Variants in OTOP1 observed in about 807,000 individuals in gnomAD.
OTOP1 encodes the protein otopetrin 1, also known as proton channel OTOP1.
Under a neutral mutation model 52.9 loss-of-function variants are expected in OTOP1, and 59 were observed. The ratio of observed to expected loss-of-function variants is 1.12; its 90% CI spans 0.91 to 1.39. OTOP1 has a LOEUF of 1.39. OTOP1 is among the 40% of genes most tolerant of loss of function. The probability of loss-of-function intolerance (pLI) is 0.00; values close to 1 mark genes in which losing one functional copy is unlikely to be tolerated. For synonymous variants in OTOP1, 317 were observed against 337.7 expected, an observed-to-expected ratio of 0.94 and a Z score of 0.67; for missense variants, 761 against 800.9, an observed-to-expected ratio of 0.95 and a Z score of 0.60.
intron 1 of OTOP1, among the ~76,000 whole-genome samples, chr4:4,226,180 T>C (rs1051089536): frequency 1.3e-5 from 2 of 152,160 alleles, no homozygotes; most frequent in Non-Finnish European, 2.9e-5. Flanking sequence ...GTAGGGCCAC[T>C]GCATGGCTTT....
At chr4:4,198,865 A>C (rs1327156131) in intron 4 of OTOP1, among the ~76,000 whole-genome samples, 2 of 152,160 alleles carry the variant, frequency 1.3e-5, no homozygotes, top group Non-Finnish European at 2.9e-5. Flanking sequence ...CTACCCTTCT[A>C]CTCAAAGGGA....
chr4:4,200,225 G>C (rs1363628171), intron 4 of OTOP1, among the ~76,000 whole-genome samples: 1 of 152,146 alleles, frequency 6.6e-6, no homozygotes, highest in Non-Finnish European at 1.5e-5. Flanking sequence ...GCTGGGCGTG[G>C]TGGCTCACGC....
At chr4:4,217,725 T>C (rs1224983423) in intron 1 of OTOP1, among the ~76,000 whole-genome samples, 4 of 152,104 alleles carry the variant, frequency 2.6e-5, no homozygotes, top group African/African-American at 9.7e-5. Context: ...TGAAGGTACA[T>C]GGGCAGGAAA....
At chr4:4,207,477 G>T (rs889947696) in intron 2 of OTOP1, among the ~76,000 whole-genome samples, 4 of 151,976 alleles carry the variant, frequency 2.6e-5, no homozygotes, top group African/African-American at 9.7e-5. Flanking sequence ...TTTCCTTACA[G>T]GTGCATTTTT....
At chr4:4,196,354 C>G (rs1716624782) in intron 5 of OTOP1, among the ~76,000 whole-genome samples, 1 of 152,100 alleles carries the variant, frequency 6.6e-6, no homozygotes, top group Non-Finnish European at 1.5e-5. Flanking sequence ...GAGTTCGAAA[C>G]CAGCCTGGCC....
chr4:4,220,047 A>G (rs1247614597), intron 1 of OTOP1, among the ~76,000 whole-genome samples: 1 of 60,272 alleles, frequency 1.7e-5, no homozygotes, highest in African/African-American at 1.1e-4. Flanking sequence ...GTATACATAT[A>G]TACATATACG....
intron 2 of OTOP1, among the ~76,000 whole-genome samples, chr4:4,206,762 T>C (rs1454993003): frequency 1.3e-5 from 2 of 152,190 alleles, no homozygotes; most frequent in Non-Finnish European, 2.9e-5. Flanking sequence ...GCTGAATCTG[T>C]TTTCCCACAG....
intron 1 of OTOP1, 35 bp from the exon 2 acceptor site, chr4:4,213,039 C>G: frequency 6.2e-7 from 1 of 1,606,378 alleles, no homozygotes; most frequent in Non-Finnish European, 8.5e-7. Context: ...TGGAAACACA[C>G]ACATTGCATT....
chr4:4,192,301 C>A (rs1389904669), intron 5 of OTOP1, among the ~76,000 whole-genome samples: 1 of 152,068 alleles, frequency 6.6e-6, no homozygotes, highest in Admixed American at 6.6e-5. Flanking sequence ...CTCCCAGCCA[C>A]CCCCACCCAA....
intron 4 of OTOP1, among the ~76,000 whole-genome samples, chr4:4,200,543 T>C (rs1428550406): frequency 6.6e-6 from 1 of 150,680 alleles, no homozygotes; most frequent in African/African-American, 2.4e-5. Flanking sequence ...CACTATGAAA[T>C]TTTCTTTTTC....
intron 3 of OTOP1, among the ~76,000 whole-genome samples, 157 bp downstream of exon 3, chr4:4,205,915 G>T (rs556418179): frequency 6.6e-6 from 1 of 152,308 alleles, no homozygotes; most frequent in East Asian, 1.9e-4. Context: ...CAAAAGCAGT[G>T]ACCCTCTTCT....
chr4:4,210,515 G>C (rs2108802179), intron 2 of OTOP1, among the ~76,000 whole-genome samples: 1 of 152,254 alleles, frequency 6.6e-6, no homozygotes, highest in Non-Finnish European at 1.5e-5. Context: ...GTGTGTGTCT[G>C]TGTCCTTCTC....
chr4:4,224,415 G>C (rs1315895077), intron 1 of OTOP1, among the ~76,000 whole-genome samples: 1 of 151,444 alleles, frequency 6.6e-6, no homozygotes, highest in Non-Finnish European at 1.5e-5. Context: ...GAGGGAGGAG[G>C]AAGAAAGGAA....
In OTOP1 at chr4:4,188,850, G is replaced by T. The variant is rs200368405; in HGVS notation, c.1792C>A (p.Arg598=). Residue 598 remains arginine (R), a synonymous_variant, in exon 6 of 6, where the codon CGA becomes AGA. Coordinates refer to ENST00000296358, the MANE Select transcript of OTOP1 (RefSeq NM_177998.3). ...AAGAGGGAGGCAGCTGCGTGCATTC[G>T]ATAGAAAATAGAAAAAGGCATGGCC... ...NLAMPFSIFY[R]MHAAASLFEV... is the part of the protein sequence containing the mutation. The T allele has an allele frequency of 1.9e-6, 3 of 1,613,732 alleles. No individual in the cohort carries two copies. Among genetic ancestry groups the T allele is most frequent in the African/African-American group, 1.3e-5 (1 of 74,902 alleles).
intron 1 of OTOP1, among the ~76,000 whole-genome samples, chr4:4,224,660 G>A (rs1320809843): frequency 6.6e-6 from 1 of 152,168 alleles, no homozygotes; most frequent in African/African-American, 2.4e-5. Context: ...ACCATTTTCA[G>A]AACAGGAATT....
intron 4 of OTOP1, among the ~76,000 whole-genome samples, chr4:4,201,455 A>G (rs28408907): frequency 1.0e-5 from 1 of 99,054 alleles, no homozygotes; most frequent in African/African-American, 4.1e-5. Context: ...AGAATAAATA[A>G]ATAAATATAT....
At chr4:4,208,567 A>G (rs1716958444) in intron 2 of OTOP1, among the ~76,000 whole-genome samples, 1 of 152,234 alleles carries the variant, frequency 6.6e-6, no homozygotes, top group Non-Finnish European at 1.5e-5. Flanking sequence ...TGAGGCATCT[A>G]GAATATTCAA....
Position 4,217,736 on chromosome 4 carries a change from G to T in OTOP1, c.404-4732C>A, listed in dbSNP as rs146176587. On this transcript the variant is annotated intron_variant, in intron 1 of 5. Transcript: ENST00000296358. ...AGGTTGAAGGTACATGGGCAGGAAAGGAGGTGATTGTTGAACAGAGAACAG... is the reference window on the plus strand; with the variant it reads ...AGGTTGAAGGTACATGGGCAGGAAATGAGGTGATTGTTGAACAGAGAACAG... 8.8e-3 allele frequency among the ~76,000 whole-genome samples: 1,342 copies of T among 152,272 alleles called. 14 individuals carry two copies. The highest frequency in any genetic ancestry group is 0.031 in the African/African-American group (1,294 of 41,554).
intron 3 of OTOP1, among the ~76,000 whole-genome samples, chr4:4,205,568 A>G (rs2108800551): frequency 6.6e-6 from 1 of 152,294 alleles, no homozygotes; most frequent in South Asian, 2.1e-4. Flanking sequence ...TATAGGATTT[A>G]TGGCTCTTTG....
Sources: gnomAD v4.1 joint callset for allele counts (sites outside exome capture counted in the v4.1 genomes callset) on GRCh38, gnomAD v4.1.1 for gene constraint, MANE v1.5 for transcripts, NCBI Gene and HGNC (gene_info 2026-07-23, HGNC 2026-07-21) for gene names.